ROPN1L: variants seen among roughly 807,000 people sequenced by gnomAD.
ROPN1L encodes the protein rhophilin associated tail protein 1 like, also known as ropporin-1-like protein.
In ROPN1L, 23 loss-of-function variants were observed where a neutral mutation model predicts 22.7. That is an observed-to-expected ratio of 1.01 (90% confidence interval 0.73 to 1.43). The LOEUF is 1.43. ROPN1L is among the 40% of genes most tolerant of loss of function. The pLI, the probability that ROPN1L is intolerant of heterozygous loss-of-function variation, is 0.00. For synonymous variants in ROPN1L, 116 were observed against 117.8 expected (o/e 0.98, Z 0.10); for missense variants, 271 against 291.5 (o/e 0.93, Z 0.51).
At chr5:10,473,726 A>G (rs141469683), downstream of ROPN1L, among the ~76,000 whole-genome samples, 257 of 152,350 alleles carry the variant, frequency 1.7e-3, no homozygotes, top group African/African-American at 6.0e-3. Flanking sequence ...GATTCCGAAA[A>G]TAACAGCCCT....
At position 10,449,969 on chromosome 5, in the gene ROPN1L, T is replaced by A; in HGVS notation, c.273T>A (p.Tyr91Ter). The stretch of plus-strand genomic sequence containing the variant: ...CCAAACAGTGTCACCACAAGCGGTA[T>A]GTGGAATTAACAGATCTTGAGCAGA... ...VLHKQCHHKR[Y>*]VELTDLEQKW... Residue 91 changes from tyrosine (Y) to a stop codon, truncating the protein, a stop_gained, in exon 3 of 5, where the codon TAT (tyrosine) becomes TAA (stop). Transcript: ENST00000274134. LOFTEE classifies it high-confidence loss of function. 6.2e-7 allele frequency: 1 copy of A among 1,610,964 alleles called. No homozygotes were observed. Among genetic ancestry groups the A allele is most frequent in the Non-Finnish European group, 8.5e-7 (1 of 1,178,946 alleles).
chr5:10,477,529 C>G, the ROPN1L span, among the ~76,000 whole-genome samples: 1 of 152,214 alleles, frequency 6.6e-6, no homozygotes, highest in African/African-American at 2.4e-5. Flanking sequence ...AAGACTCTCT[C>G]AGGACCTGAG....
intron 1 of ROPN1L, among the ~76,000 whole-genome samples, chr5:10,445,261 G>A (rs76805128): frequency 0.019 from 2,912 of 152,232 alleles, 92 homozygotes; most frequent in African/African-American, 0.066. Context: ...TTGAGCCACC[G>A]CGCCTGACCA....
the ROPN1L span, among the ~76,000 whole-genome samples, chr5:10,481,385 C>A: frequency 2.0e-5 from 3 of 152,176 alleles, no homozygotes; most frequent in African/African-American, 7.2e-5. Flanking sequence ...TTGTTTGTGT[C>A]CCTAGTTGTC....
chr5:10,446,801 C>A (rs1043350491), intron 1 of ROPN1L, among the ~76,000 whole-genome samples: 1 of 152,128 alleles, frequency 6.6e-6, no homozygotes, highest in Non-Finnish European at 1.5e-5. Context: ...GATTCCTTGC[C>A]TGAGTTATGA....
intron 3 of ROPN1L, among the ~76,000 whole-genome samples, chr5:10,453,903 T>C (rs796951231): frequency 6.6e-6 from 1 of 152,282 alleles, no homozygotes; most frequent in African/African-American, 2.4e-5. Context: ...ATCACCAGAC[T>C]CTTGGAGCTG....
chr5:10,467,088 G>A (rs542018594), downstream of ROPN1L, among the ~76,000 whole-genome samples: 1 of 152,210 alleles, frequency 6.6e-6, no homozygotes, highest in East Asian at 1.9e-4. Flanking sequence ...AGTCTGAGTT[G>A]CTGGGGGTTC....
intron 3 of ROPN1L, among the ~76,000 whole-genome samples, chr5:10,458,037 G>A (rs1331829475): frequency 6.6e-6 from 1 of 152,068 alleles, no homozygotes; most frequent in Non-Finnish European, 1.5e-5. Context: ...AAGCGATGTG[G>A]TGTAAATACT....
At chr5:10,449,845 TC>T in intron 2 of ROPN1L, 106 bp from the exon 3 acceptor site, 1 of 888,048 alleles carries the variant, frequency 1.1e-6, no homozygotes, top group Admixed American at 2.7e-5. Flanking sequence ...AGTTCATCTG[TC>T]CCCTGCATGG....
chr5:10,472,961 G>A (rs1333868460), downstream of ROPN1L, among the ~76,000 whole-genome samples: 1 of 152,202 alleles, frequency 6.6e-6, no homozygotes, highest in African/African-American at 2.4e-5. Flanking sequence ...AGGAGGAGAG[G>A]AAGGCAGAGT....
At chr5:10,455,903 C>G (rs564049928) in intron 3 of ROPN1L, among the ~76,000 whole-genome samples, 2 of 89,356 alleles carry the variant, frequency 2.2e-5, no homozygotes, top group South Asian at 3.3e-4. Context: ...GTCTCTACCC[C>G]CAGCACAGGC....
At chr5:10,442,499 C>G (rs748934038) in intron 1 of ROPN1L, among the ~76,000 whole-genome samples, 8 of 152,186 alleles carry the variant, frequency 5.3e-5, no homozygotes, top group Non-Finnish European at 8.8e-5. Context: ...ACTATGAGAC[C>G]CGAAATCATT....
chr5:10,472,740 C>T (rs1579665321), downstream of ROPN1L, among the ~76,000 whole-genome samples: 1 of 152,206 alleles, frequency 6.6e-6, no homozygotes, highest in African/African-American at 2.4e-5. Context: ...TCTTAGAATT[C>T]AGCCTGTTTT....
the ROPN1L span, chr5:10,482,103 A>C: frequency 6.6e-6 from 1 of 151,810 alleles, no homozygotes; most frequent in Non-Finnish European, 1.5e-5. Context: ...TGATGGTTGC[A>C]CCTGTAATCC....
intron 1 of ROPN1L, among the ~76,000 whole-genome samples, chr5:10,444,043 G>A (rs182993303): frequency 6.6e-6 from 1 of 152,136 alleles, no homozygotes; most frequent in Non-Finnish European, 1.5e-5. Context: ...CCCACCAACT[G>A]AGCTACTTGT....
At chr5:10,447,361 C>G (rs1741102544) in intron 1 of ROPN1L, among the ~76,000 whole-genome samples, 1 of 152,132 alleles carries the variant, frequency 6.6e-6, no homozygotes, top group Admixed American at 6.5e-5. Flanking sequence ...ACTCTTGCCC[C>G]CAACATAAGC....
intron 1 of ROPN1L, among the ~76,000 whole-genome samples, chr5:10,443,376 A>G (rs1740946460): frequency 6.6e-6 from 1 of 151,166 alleles, no homozygotes; most frequent in African/African-American, 2.4e-5. Flanking sequence ...TAATCCCAGC[A>G]CTTTGGGAGG....
chr5:10,445,401 T>A (rs544590378), intron 1 of ROPN1L, among the ~76,000 whole-genome samples: 27 of 152,300 alleles, frequency 1.8e-4, no homozygotes, highest in Middle Eastern at 3.4e-3. Flanking sequence ...CAAAAGTAAC[T>A]TGAGTAAGGC....
intron 3 of ROPN1L, among the ~76,000 whole-genome samples, chr5:10,451,917 G>A (rs1741262726): frequency 1.2e-5 from 1 of 86,232 alleles, no homozygotes; most frequent in South Asian, 4.1e-4. Context: ...TGTTAATCTG[G>A]AACTCTGTGA....
Sources: gnomAD v4.1 joint callset for allele counts (sites outside exome capture counted in the v4.1 genomes callset) on GRCh38, gnomAD v4.1.1 for gene constraint, MANE v1.5 for transcripts, NCBI Gene and HGNC (gene_info 2026-07-23, HGNC 2026-07-21) for gene names.